Variants in STAMBP observed in about 807,000 individuals in gnomAD.
STAMBP encodes the protein STAM binding protein, also known as STAM-binding protein.
STAMBP carries 31 observed loss-of-function variants against 50.7 expected under a neutral mutation model. The ratio of observed to expected loss-of-function variants is 0.61; its 90% CI spans 0.46 to 0.83. The LOEUF (loss-of-function observed/expected upper bound fraction) is 0.83, where lower values mean the gene tolerates loss of function less well. Ranked by LOEUF, STAMBP falls within the 40% of genes least tolerant of loss-of-function variation. STAMBP has a pLI of 0.00. For missense variants in STAMBP, 472 were observed against 518.9 expected (o/e 0.91, Z 0.88); for synonymous variants, 211 against 192.4 (o/e 1.10, Z -0.80).
At chr2:73,832,275 CA>C (rs1375294096) in intron 2 of STAMBP, among the ~76,000 whole-genome samples, 1 of 151,468 alleles carries the variant, frequency 6.6e-6, no homozygotes, top group Non-Finnish European at 1.5e-5. Flanking sequence ...GCCAACATGG[CA>C]AAACCCCATC....
rs1488173149 is a variant in STAMBP at position 73,834,224 on chromosome 2, AAAAAAAAAAAAAATATATATATAT to A, written c.203+3167_203+3190del. 9.7e-3 allele frequency among the ~76,000 whole-genome samples: 246 copies of A among 25,468 alleles called. 3 individuals are homozygous for A. The highest frequency in any genetic ancestry group is 0.018 in the Non-Finnish European group (219 of 12,268). 16.7% of individuals were successfully genotyped at this position (25,468 alleles called of 152,430 possible). On this transcript the variant is annotated intron_variant, in intron 2 of 9. Transcript: ENST00000394070. ...GATCATGTCTTAAAAAAAAAAAAAA[AAAAAAAAAAAAAATATATATATAT>A]ATATATATATATATATATATATATA...
At chr2:73,832,669 A>G (rs1429904505) in intron 2 of STAMBP, among the ~76,000 whole-genome samples, 1 of 152,108 alleles carries the variant, frequency 6.6e-6, no homozygotes, top group Admixed American at 6.5e-5. Context: ...TTTGGACTGA[A>G]TCATTATTTG....
intron 7 of STAMBP, among the ~76,000 whole-genome samples, chr2:73,858,923 C>T (rs1677935795): frequency 6.6e-6 from 1 of 151,700 alleles, no homozygotes; most frequent in Non-Finnish European, 1.5e-5. Context: ...GCCCAGACCC[C>T]CCAATGGATG....
intron 7 of STAMBP, chr2:73,855,727 C>T (rs1677470606): frequency 4.4e-6 from 2 of 455,868 alleles, no homozygotes; most frequent in South Asian, 3.1e-5. Context: ...AGGCTTCTTC[C>T]ACAGTGAGCT....
At chr2:73,842,858 A>G (rs1301982465) in intron 2 of STAMBP, among the ~76,000 whole-genome samples, 1 of 152,200 alleles carries the variant, frequency 6.6e-6, no homozygotes, top group East Asian at 1.9e-4. Flanking sequence ...GAAGCATGAA[A>G]CACAGAAATC....
intron 2 of STAMBP, among the ~76,000 whole-genome samples, chr2:73,840,036 C>T (rs2104373950): frequency 6.6e-6 from 1 of 152,262 alleles, no homozygotes; most frequent in South Asian, 2.1e-4. Context: ...TTCAACCATT[C>T]CCCTATCCCT....
intron 2 of STAMBP, among the ~76,000 whole-genome samples, chr2:73,831,836 G>A (rs1418253530): frequency 1.3e-5 from 2 of 151,802 alleles, no homozygotes; most frequent in East Asian, 3.9e-4. Flanking sequence ...CATGGAATAG[G>A]GTACACTACC....
chr2:73,840,797 TA>T (rs1675299431), intron 2 of STAMBP, among the ~76,000 whole-genome samples: 4 of 151,050 alleles, frequency 2.6e-5, no homozygotes, highest in African/African-American at 9.7e-5. Context: ...AAATTAAAAA[TA>T]AAGGATATAC....
At chr2:73,860,599 G>A (rs1678225212) in intron 9 of STAMBP, 1 of 979,524 alleles carries the variant, frequency 1.0e-6, no homozygotes, top group Non-Finnish European at 1.2e-6. Context: ...GGTAAATTAA[G>A]TATATTTGTA....
rs1678563863 is a variant in STAMBP, at chr2:73,863,373, C to A, written c.*1114C>A. On this transcript the variant is annotated 3_prime_UTR_variant, in exon 10 of 10. Coordinates refer to ENST00000394070, the MANE Select transcript of STAMBP (RefSeq NM_213622.4). ...AGAAATAATGGTGTCATTTGTGACA[C>A]CTCGAGTGAGGGCAGGAGAGTAAAT... The A allele has an allele frequency of 6.6e-6, 1 of 152,052 alleles. No individual in the cohort carries two copies. The highest frequency in any genetic ancestry group is 1.5e-5 in the Non-Finnish European group (1 of 68,028). The allele number at this position is 152,052 out of a possible 1,614,324, so 9.4% of individuals were successfully genotyped here. A position where few individuals can be genotyped will look rare whatever the true frequency, so the allele number is the denominator to read the frequency against.
downstream of STAMBP, among the ~76,000 whole-genome samples, chr2:73,871,049 T>A (rs551659827): frequency 6.6e-6 from 1 of 152,148 alleles, no homozygotes; most frequent in South Asian, 2.1e-4. Context: ...GGATTACAGG[T>A]GTGAGCCACT....
chr2:73,861,869 G>A (rs1678369427), intron 9 of STAMBP, among the ~76,000 whole-genome samples: 1 of 152,010 alleles, frequency 6.6e-6, no homozygotes. Context: ...CGGGCACGGT[G>A]GCTCACGCCT....
chr2:73,846,792 A>G (rs748740492), intron 4 of STAMBP, among the ~76,000 whole-genome samples: 1 of 152,150 alleles, frequency 6.6e-6, no homozygotes, highest in Non-Finnish European at 1.5e-5. Flanking sequence ...AGTTGCATCA[A>G]GATTTCAGGC....
chr2:73,835,306 A>G (rs1674575750), intron 2 of STAMBP, among the ~76,000 whole-genome samples: 1 of 150,332 alleles, frequency 6.7e-6, no homozygotes, highest in South Asian at 2.1e-4. Flanking sequence ...GTGAGCCAAG[A>G]TCGCGGCACT....
chr2:73,859,131 T>C (rs771614852), intron 7 of STAMBP, 123 bp from the exon 8 acceptor site: 2 of 701,640 alleles, frequency 2.9e-6, no homozygotes, highest in Non-Finnish European at 5.2e-6. Context: ...TATGTTATCG[T>C]ATGTAATATT....
rs367684813 is a variant in STAMBP at position 73,861,554 on chromosome 2, C to T, written c.1219-649C>T. On this transcript the variant is annotated intron_variant, in intron 9 of 9. Transcript: ENST00000394070. ...TTTTTGTTTGAAACAGAGTCTCGCTCTGTTGCCGGGCTGGAGTGCAGTGGT... is the reference window on the plus strand; with the variant it reads ...TTTTTGTTTGAAACAGAGTCTCGCTTTGTTGCCGGGCTGGAGTGCAGTGGT... 2.6e-5 allele frequency among the ~76,000 whole-genome samples: 4 copies of T among 152,084 alleles called. No individual in the cohort carries two copies. The East Asian group carries it at 7.8e-4, about 29-fold the overall frequency.
rs775741034 is a variant in STAMBP, at chr2:73,830,957, G to A, written c.101G>A (p.Arg34His). 31 of 1,614,204 alleles carry A rather than the reference G, an allele frequency of 1.9e-5. No individual in the cohort carries two copies. The highest frequency in any genetic ancestry group is 5.5e-5 in the South Asian group (5 of 91,088). ...GAGGTGAATGAAGACATTCCACCCCGTCGGTACTTCCGCTCTGGAGTTGAG... is the reference window on the plus strand; with the variant it reads ...GAGGTGAATGAAGACATTCCACCCCATCGGTACTTCCGCTCTGGAGTTGAG... ...AVEVNEDIPP[R>H]RYFRSGVEII... Residue 34 changes from arginine (R) to histidine (H), a missense_variant, in exon 2 of 10, where the codon CGT (arginine) becomes CAT (histidine). Physicochemically the swap from Arg to His is conservative, Grantham distance 29 (BLOSUM62 0). Transcript: ENST00000394070.
intron 7 of STAMBP, 75 bp from the exon 8 acceptor site, chr2:73,859,179 G>A (rs1478193265): frequency 9.9e-6 from 12 of 1,209,180 alleles, no homozygotes; most frequent in African/African-American, 1.5e-5. Context: ...TTAAACCTCA[G>A]AAAGGGAATC....
Position 73,847,408 on chromosome 2 carries a change from G to A in STAMBP, c.397G>A (p.Ala133Thr), listed in dbSNP as rs202175475. 1.9e-5 allele frequency: 31 copies of A among 1,608,870 alleles called. No homozygotes were observed. Among genetic ancestry groups the A allele is most frequent in the Non-Finnish European group, 2.6e-5 (31 of 1,176,654 alleles). The change falls in exon 5 of 10, where the codon GCC becomes ACC. Residue 133 changes from alanine (A) to threonine (T), a missense_variant. Transcript: ENST00000394070. ...GTAGAAGAAGGAAGCAGAGGAATTGGCCCGGAACATGGCCATCCAGCAAGA... is the reference window on the plus strand; with the variant it reads ...GTAGAAGAAGGAAGCAGAGGAATTGACCCGGAACATGGCCATCCAGCAAGA... ...EEKKKEAEEL[A>T]RNMAIQQELE...
Sources: gnomAD v4.1 joint callset for allele counts (sites outside exome capture counted in the v4.1 genomes callset) on GRCh38, gnomAD v4.1.1 for gene constraint, MANE v1.5 for transcripts, NCBI Gene and HGNC (gene_info 2026-07-23, HGNC 2026-07-21) for gene names.